CDH26: variants seen among roughly 807,000 people sequenced by gnomAD.
The protein encoded by CDH26 is cadherin 26, also known as cadherin-like protein 26.
In CDH26, 83 loss-of-function variants were observed where a neutral mutation model predicts 90.3. That is an observed-to-expected ratio of 0.92 (90% CI 0.77 to 1.10). CDH26 has a LOEUF of 1.10. Ranked by LOEUF, CDH26 falls within the 50% of genes least tolerant of loss-of-function variation. The probability of loss-of-function intolerance (pLI) is 0.00; values close to 1 mark genes in which losing one functional copy is unlikely to be tolerated. For missense variants in CDH26, 1,013 were observed against 1,037.6 expected (o/e 0.98, Z 0.33); for synonymous variants, 397 against 396.3 (o/e 1.00, Z -0.02).
chr20:59,995,766 A>G (rs572761242), intron 11 of CDH26, 67 bp from the exon 12 acceptor site: 2 of 1,432,438 alleles, frequency 1.4e-6, no homozygotes, highest in African/African-American at 2.8e-5. Flanking sequence ...GGCGTTCAGT[A>G]AGCGTGTGTT....
At chr20:60,003,538 A>G (rs948040731) in intron 16 of CDH26, among the ~76,000 whole-genome samples, 2 of 152,176 alleles carry the variant, frequency 1.3e-5, no homozygotes, top group Non-Finnish European at 1.5e-5. Flanking sequence ...TGAATAGCTC[A>G]GTTTACAATG....
chr20:60,004,720 C>A (rs546750109), intron 16 of CDH26, among the ~76,000 whole-genome samples: 1 of 145,926 alleles, frequency 6.9e-6, no homozygotes, highest in Non-Finnish European at 1.5e-5. Context: ...GAGCCAAGAT[C>A]GCGCCACTGC....
chr20:60,006,808 G>C (rs195004), intron 17 of CDH26, 21 bp downstream of exon 17: 136,893 of 1,590,164 alleles, frequency 0.086, 16,125 homozygotes, highest in African/African-American at 0.58. Flanking sequence ...CTCCCCTTGT[G>C]CTGTGCACTA....
At chr20:59,995,351 G>A (rs2061579551) in intron 11 of CDH26, among the ~76,000 whole-genome samples, 2 of 152,132 alleles carry the variant, frequency 1.3e-5, no homozygotes, top group South Asian at 4.1e-4. Flanking sequence ...CACCTGGGAG[G>A]CCCACCAGGT....
rs11906731 is a variant in CDH26, at chr20:60,031,182, G to C, written c.948-49G>C. On this transcript the variant is annotated intron_variant, in intron 7 of 8. Transcript: ENST00000370991. ...GCAGTGGGGATGAACTGGAAGTCCAGCTTTCCAGGAGAACCTTCTAATGAG... is the reference window on the plus strand; with the variant it reads ...GCAGTGGGGATGAACTGGAAGTCCACCTTTCCAGGAGAACCTTCTAATGAG... The C allele has an allele frequency of 1.1e-3, 1,136 of 1,045,006 alleles. 9 individuals are homozygous for C. In the African/African-American group the frequency reaches 0.017, roughly 15 times the overall value. 64.7% of individuals were successfully genotyped at this position (1,045,006 alleles called of 1,614,324 possible). A position where few individuals can be genotyped will look rare whatever the true frequency, so the allele number is the denominator to read the frequency against.
At chr20:59,960,723 ACT>A (rs1207345177) in intron 1 of CDH26, among the ~76,000 whole-genome samples, 4 of 152,020 alleles carry the variant, frequency 2.6e-5, no homozygotes, top group Non-Finnish European at 5.9e-5. Context: ...TACCTCCCTG[ACT>A]CTGCACATCG....
intron 1 of CDH26, among the ~76,000 whole-genome samples, chr20:59,967,949 T>TTCTTTCTC (rs2061190098): frequency 9.9e-6 from 1 of 101,518 alleles, no homozygotes; most frequent in Non-Finnish European, 1.8e-5. Flanking sequence ...CTTTCTTTCT[T>TTCTTTCTC]TCTTTCTATC....
intron 1 of CDH26, among the ~76,000 whole-genome samples, chr20:59,967,147 A>G (rs966526173): frequency 3.3e-5 from 5 of 152,206 alleles, no homozygotes; most frequent in Non-Finnish European, 7.3e-5. Flanking sequence ...TTGAAATGCT[A>G]AGTATAATTT....
At chr20:60,009,218 G>A (rs767162791) in intron 17 of CDH26, among the ~76,000 whole-genome samples, 2 of 152,208 alleles carry the variant, frequency 1.3e-5, no homozygotes, top group Non-Finnish European at 2.9e-5. Context: ...ATGGGGCACA[G>A]AGTGGCCGAC....
rs148220128 is a variant in CDH26 at position 59,996,584 on chromosome 20, T to C, written c.1889-47T>C. On this transcript the variant is annotated intron_variant, in intron 12 of 17. Coordinates refer to ENST00000348616, the MANE Select transcript of CDH26 (RefSeq NM_177980.4). ...AACAAGATCCTCATGAAACCTCTGATATGGGTGAGCTTGTCTAATCTGTTT... is the reference window on the plus strand; with the variant it reads ...AACAAGATCCTCATGAAACCTCTGACATGGGTGAGCTTGTCTAATCTGTTT... 9 of 1,614,108 alleles carry C rather than the reference T, an allele frequency of 5.6e-6. 1 individual carries two copies. In the African/African-American group the frequency reaches 9.3e-5, roughly 17 times the overall value.
In CDH26 at chr20:60,001,390, A is replaced by G; in HGVS notation, c.2145A>G (p.Ala715=). The part of the protein sequence containing the change: ...PPSAASQSAQ[A]RCALGSWGYG... ...CTGCAGCGAGTCAGTCAGCCCAAGC[A>G]CGCTGTGCTCTGGGGAGCTGGGTGA... is the stretch of plus-strand genomic sequence containing the variant. Residue 715 remains alanine (A), a synonymous_variant, in exon 15 of 18, where the codon GCA becomes GCG. Coordinates refer to ENST00000348616, the MANE Select transcript of CDH26 (RefSeq NM_177980.4). 1.2e-6 allele frequency: 2 copies of G among 1,614,098 alleles called. No homozygotes were observed. Among genetic ancestry groups the G allele is most frequent in the East Asian group, 4.5e-5 (2 of 44,882 alleles).
intron 7 of CDH26, among the ~76,000 whole-genome samples, chr20:60,023,753 A>C (rs2061975922): frequency 6.6e-6 from 1 of 152,194 alleles, no homozygotes; most frequent in Non-Finnish European, 1.5e-5. Flanking sequence ...GGAGCCTTGC[A>C]GGGTTGAAAA....
chr20:60,018,581 A>G (rs569623193), downstream of CDH26, among the ~76,000 whole-genome samples: 88 of 152,006 alleles, frequency 5.8e-4, no homozygotes, highest in African/African-American at 2.1e-3. Flanking sequence ...TAAATGAGGA[A>G]TATAATCTGA....
At chr20:59,979,992 G>A (rs2061376495) in intron 4 of CDH26, among the ~76,000 whole-genome samples, 1 of 152,134 alleles carries the variant, frequency 6.6e-6, no homozygotes, top group Non-Finnish European at 1.5e-5. Flanking sequence ...GAGTGGCTTA[G>A]TTGGATCACA....
At chr20:59,975,699 G>A (rs2061320279) in intron 4 of CDH26, among the ~76,000 whole-genome samples, 1 of 152,220 alleles carries the variant, frequency 6.6e-6, no homozygotes. Flanking sequence ...GCTCCTGTAA[G>A]AGAGCGTTTA....
chr20:60,012,017 G>T (rs1487747543), intron 17 of CDH26, among the ~76,000 whole-genome samples: 2 of 152,138 alleles, frequency 1.3e-5, no homozygotes, highest in African/African-American at 2.4e-5. Context: ...TGAGAAAGGG[G>T]TGGCAGGAAG....
At position 60,006,766 on chromosome 20, in the gene CDH26, G is replaced by C; in HGVS notation, c.2274G>C (p.Arg758Ser). 2 of 1,614,004 alleles carry C rather than the reference G, an allele frequency of 1.2e-6. No homozygotes were observed. Among genetic ancestry groups the C allele is most frequent in the Non-Finnish European group, 8.5e-7 (1 of 1,179,886 alleles). The part of the protein sequence containing the change: ...HRQLLAPVEG[R>S]MAETLNQKLH... ...AACTCCTGGCTCCGGTGGAAGGAAG[G>C]ATGGCAGAGACATTGAATCAGGTAG... The change falls in exon 17 of 18, where the codon AGG becomes AGC. Residue 758 changes from arginine to serine, a missense_variant. Physicochemically the swap from Arg to Ser is moderately radical, Grantham distance 110. Transcript: ENST00000348616.
chr20:59,976,865 G>T (rs939498561), intron 4 of CDH26, among the ~76,000 whole-genome samples: 1 of 152,210 alleles, frequency 6.6e-6, no homozygotes, highest in Middle Eastern at 3.4e-3. Flanking sequence ...CAGTACAGAG[G>T]GAAAGACATT....
At chr20:60,006,114 C>A (rs2061746007) in intron 16 of CDH26, among the ~76,000 whole-genome samples, 1 of 152,210 alleles carries the variant, frequency 6.6e-6, no homozygotes, top group Admixed American at 6.5e-5. Flanking sequence ...TTGCCTTGCA[C>A]CTGCGTGAGC....
Sources: gnomAD v4.1 joint callset for allele counts (sites outside exome capture counted in the v4.1 genomes callset) on GRCh38, gnomAD v4.1.1 for gene constraint, MANE v1.5 for transcripts, NCBI Gene and HGNC (gene_info 2026-07-23, HGNC 2026-07-21) for gene names.